The following HSPA12A variants were observed in gnomAD, a reference collection of about 807,000 sequenced individuals.
HSPA12A encodes the protein heat shock protein family A (Hsp70) member 12A, also known as heat shock 70 kDa protein 12A.
In HSPA12A, 28 loss-of-function variants were observed where a neutral mutation model predicts 69.2. The ratio of observed to expected loss-of-function variants is 0.40; its 90% confidence interval spans 0.30 to 0.55. HSPA12A has a LOEUF of 0.55. Among genes scored for constraint, HSPA12A ranks in the 20% least tolerant of loss-of-function variants. HSPA12A has a pLI of 0.38. For missense variants in HSPA12A, 686 were observed against 900.7 expected (o/e 0.76, Z 3.05); for synonymous variants, 345 against 370.5 (o/e 0.93, Z 0.79).
At chr10:116,751,101 GAGA>G (rs1851768913) in intron 2 of HSPA12A, 1 of 160,554 alleles carries the variant, frequency 6.2e-6, no homozygotes, top group Non-Finnish European at 1.4e-5. Context: ...GGGAAAGGAG[GAGA>G]AGGAGATGAA....
chr10:116,850,005 G>A, upstream of HSPA12A: 2 of 619,862 alleles, frequency 3.2e-6, no homozygotes, highest in South Asian at 3.5e-5. Context: ...CCAGGGGCTG[G>A]CAGGCTTCCT....
At chr10:116,798,184 C>G (rs866870670) in intron 2 of HSPA12A, among the ~76,000 whole-genome samples, 1,388 of 34,516 alleles carry the variant, frequency 0.04, 8 homozygotes, top group Middle Eastern at 0.077. Flanking sequence ...GGCGGTGGGG[C>G]GGGGTGGGGC....
At chr10:116,694,143 AG>A (rs1186581529) in intron 5 of HSPA12A, among the ~76,000 whole-genome samples, 2 of 152,224 alleles carry the variant, frequency 1.3e-5, no homozygotes, top group Non-Finnish European at 2.9e-5. Context: ...CCCAGCGGGT[AG>A]GGAACAGCTT....
intron 2 of HSPA12A, among the ~76,000 whole-genome samples, chr10:116,768,800 C>T (rs782603429): frequency 1.3e-4 from 20 of 152,080 alleles, no homozygotes; most frequent in African/African-American, 2.7e-4. Context: ...CCACTTAGCC[C>T]GGCTCAATTA....
At chr10:116,806,811 C>T (rs1488859033) in intron 2 of HSPA12A, among the ~76,000 whole-genome samples, 1 of 152,154 alleles carries the variant, frequency 6.6e-6, no homozygotes, top group Non-Finnish European at 1.5e-5. Context: ...ACCCGTGGCC[C>T]CCCAAAAGAT....
At chr10:116,739,868 C>G (rs1851426617) in intron 1 of HSPA12A, among the ~76,000 whole-genome samples, 1 of 152,150 alleles carries the variant, frequency 6.6e-6, no homozygotes, top group Non-Finnish European at 1.5e-5. Context: ...TTGGCACGCA[C>G]CTCTGCCCAC....
Position 116,827,055 on chromosome 10 carries a change from G to C in HSPA12A, c.91+7880C>G, listed in dbSNP as rs560581676. 8.8e-4 allele frequency among the ~76,000 whole-genome samples: 134 copies of C among 152,302 alleles called. 2 individuals carry two copies. In the South Asian group the frequency reaches 0.027, roughly 30 times the overall value. ...AGCCAGCAGGGGTTCCGCAGATGTT[G>C]GCTGAATGAATCACTGAATTAATGA... On this transcript the variant is annotated intron_variant, in intron 2 of 12. Transcript: ENST00000635765.
chr10:116,767,272 G>A (rs1554889868), intron 2 of HSPA12A, among the ~76,000 whole-genome samples: 1 of 152,174 alleles, frequency 6.6e-6, no homozygotes, highest in African/African-American at 2.4e-5. Flanking sequence ...AGAGGCCAGA[G>A]GGCTGCCTGG....
intron 2 of HSPA12A, chr10:116,833,209 G>A (rs1637563): frequency 0.91 from 138,683 of 152,238 alleles, 64,506 homozygotes; most frequent in East Asian, 1. Context: ...GTTCACGTGC[G>A]TTTGTGTGTG....
At chr10:116,690,334 G>A (rs1281723721) in intron 6 of HSPA12A, among the ~76,000 whole-genome samples, 1 of 152,180 alleles carries the variant, frequency 6.6e-6, no homozygotes, top group Non-Finnish European at 1.5e-5. Context: ...ATAGAATCCA[G>A]TGCCTACCAC....
chr10:116,802,798 C>T (rs1844986296), intron 2 of HSPA12A, among the ~76,000 whole-genome samples: 1 of 152,236 alleles, frequency 6.6e-6, no homozygotes, highest in Non-Finnish European at 1.5e-5. Flanking sequence ...TCCCTGCCCA[C>T]TGTTGGGCTT....
intron 3 of HSPA12A, among the ~76,000 whole-genome samples, chr10:116,702,203 C>T (rs1850097768): frequency 6.6e-6 from 1 of 152,178 alleles, no homozygotes; most frequent in South Asian, 2.1e-4. Flanking sequence ...AATGTATTCG[C>T]TCACCTTTGG....
chr10:116,674,503 C>T lies in HSPA12A; in HGVS notation c.*278G>A. ...TGCAGAAATGTACTGATTCCCTTCTCCGTGGCCATTTCACCACTTTTGTAC... is the reference window on the plus strand; with the variant it reads ...TGCAGAAATGTACTGATTCCCTTCTTCGTGGCCATTTCACCACTTTTGTAC... On this transcript the variant is annotated 3_prime_UTR_variant, in exon 12 of 12. Transcript: ENST00000369209. The T allele has an allele frequency of 2.1e-6, 1 of 471,802 alleles. No homozygotes were observed. Among genetic ancestry groups the T allele is most frequent in the South Asian group, 2.7e-5 (1 of 37,230 alleles). The allele number at this position is 471,802 out of a possible 1,614,324, so 29.2% of individuals were successfully genotyped here.
intron 5 of HSPA12A, among the ~76,000 whole-genome samples, chr10:116,697,300 A>G (rs1039085735): frequency 6.6e-6 from 1 of 152,164 alleles, no homozygotes. Context: ...ACTGGTCTCC[A>G]TGCCTGTGGG....
At chr10:116,694,987 G>C (rs1270937942) in intron 5 of HSPA12A, among the ~76,000 whole-genome samples, 1 of 151,236 alleles carries the variant, frequency 6.6e-6, no homozygotes, top group Non-Finnish European at 1.5e-5. Context: ...CAGTGACCTT[G>C]CTGCCAGGCC....
intron 2 of HSPA12A, among the ~76,000 whole-genome samples, chr10:116,783,277 T>A (rs1472827145): frequency 6.6e-6 from 1 of 152,084 alleles, no homozygotes; most frequent in Non-Finnish European, 1.5e-5. Flanking sequence ...GTTGGAGACA[T>A]GTCTGGAAGA....
Position 116,707,286 on chromosome 10 carries a change from C to T in HSPA12A, c.41-1G>A. The T allele has an allele frequency of 6.2e-7, 1 of 1,610,188 alleles. No individual in the cohort carries two copies. The highest frequency in any genetic ancestry group is 8.5e-7 in the Non-Finnish European group (1 of 1,178,580). ...GAATATGCAGATGTGGGAGCCGTTT[C>T]TGAAAGGAAAAACAAAGCCGCCTCC... is the stretch of plus-strand genomic sequence containing the variant. On this transcript the variant is annotated splice_acceptor_variant, in intron 1 of 11. Transcript: ENST00000369209. LOFTEE classifies it high-confidence loss of function.
At chr10:116,784,853 G>T (rs782094440) in intron 2 of HSPA12A, among the ~76,000 whole-genome samples, 1 of 152,094 alleles carries the variant, frequency 6.6e-6, no homozygotes, top group Non-Finnish European at 1.5e-5. Flanking sequence ...AGCCTGTAAC[G>T]CTAACCTCGG....
chr10:116,790,853 C>T (rs1298927906), intron 2 of HSPA12A, among the ~76,000 whole-genome samples: 1 of 151,962 alleles, frequency 6.6e-6, no homozygotes, highest in Non-Finnish European at 1.5e-5. Flanking sequence ...ACCACACACA[C>T]CTAATTTTTG....
Sources: allele counts gnomAD v4.1 joint callset (sites outside exome capture counted in the v4.1 genomes callset), GRCh38; gene constraint gnomAD v4.1.1; transcripts MANE v1.5; gene names NCBI Gene and HGNC (gene_info 2026-07-23, HGNC 2026-07-21).